SPIDR: variants seen among roughly 807,000 people sequenced by gnomAD.
SPIDR encodes the protein scaffold protein involved in DNA repair.
Under a neutral mutation model 104.6 loss-of-function variants are expected in SPIDR, and 93 were observed. The ratio of observed to expected loss-of-function variants is 0.89; its 90% CI spans 0.75 to 1.06. The LOEUF (loss-of-function observed/expected upper bound fraction) is 1.06. Among genes scored for constraint, SPIDR ranks in the 50% least tolerant of loss-of-function variants. SPIDR has a pLI of 0.00. For missense variants in SPIDR, 1,154 were observed against 1,111.2 expected, an observed-to-expected ratio of 1.04 and a Z score of -0.55; for synonymous variants, 431 against 416.9, an observed-to-expected ratio of 1.03 and a Z score of -0.41.
intron 8 of SPIDR, among the ~76,000 whole-genome samples, chr8:47,466,440 T>C (rs1325307954): frequency 6.6e-6 from 1 of 152,084 alleles, no homozygotes; most frequent in Non-Finnish European, 1.5e-5. Flanking sequence ...AATAATAAAA[T>C]TAGAGCTGAA....
At position 47,705,733 on chromosome 8, in the gene SPIDR, G is replaced by A. The variant is rs189216725; in HGVS notation, c.1977+3718G>A. 4.5e-3 allele frequency among the ~76,000 whole-genome samples: 688 copies of A among 152,128 alleles called. 7 individuals carry two copies. The highest frequency in any genetic ancestry group is 0.014 in the Middle Eastern group (4 of 294). Reference sequence around the variant, plus strand: ...AACCTGGTCAACAAAGCACGACCCCGTCTCTACAAAAAAATTAAAAATTAG... The same window carrying A: ...AACCTGGTCAACAAAGCACGACCCCATCTCTACAAAAAAATTAAAAATTAG... On this transcript the variant is annotated intron_variant, in intron 14 of 19. Coordinates refer to ENST00000297423, the MANE Select transcript of SPIDR (RefSeq NM_001080394.4).
chr8:47,320,180 A>G (rs570140191), intron 5 of SPIDR, among the ~76,000 whole-genome samples: 9 of 152,334 alleles, frequency 5.9e-5, no homozygotes, highest in African/African-American at 1.7e-4. Context: ...GAAAAGATCA[A>G]CAAACTTGAT....
At chr8:47,296,440 T>C (rs965449134) in intron 5 of SPIDR, among the ~76,000 whole-genome samples, 21 of 152,176 alleles carry the variant, frequency 1.4e-4, no homozygotes, top group Non-Finnish European at 2.2e-4. Context: ...TTGATTTTGG[T>C]GTATGGTGTG....
chr8:47,402,507 A>T (rs2062047777), intron 6 of SPIDR, among the ~76,000 whole-genome samples: 1 of 152,228 alleles, frequency 6.6e-6, no homozygotes, highest in South Asian at 2.1e-4. Flanking sequence ...ACAATAAAAA[A>T]TGATAAAGGG....
chr8:47,618,508 C>A (rs2064670236), intron 10 of SPIDR, among the ~76,000 whole-genome samples: 1 of 151,936 alleles, frequency 6.6e-6, no homozygotes, highest in Non-Finnish European at 1.5e-5. Context: ...ATTTTATTTT[C>A]TAAATATAAA....
chr8:47,499,449 C>T (rs917042335), intron 8 of SPIDR, among the ~76,000 whole-genome samples: 3 of 152,124 alleles, frequency 2.0e-5, no homozygotes, highest in South Asian at 4.1e-4. Context: ...GGCTCTAGAA[C>T]CACTTTGGCT....
intron 8 of SPIDR, among the ~76,000 whole-genome samples, chr8:47,520,566 C>T (rs746767569): frequency 6.6e-6 from 1 of 152,116 alleles, no homozygotes; most frequent in African/African-American, 2.4e-5. Context: ...AGCACAAGAC[C>T]GTGTGCTGGA....
chr8:47,289,683 CTCTGGAGAACAG>C (rs1425465000), intron 3 of SPIDR, among the ~76,000 whole-genome samples: 1 of 152,312 alleles, frequency 6.6e-6, no homozygotes, highest in East Asian at 1.9e-4. Context: ...GGTACAGCCA[CTCTGGAGAACAG>C]TCTGGCAGTT....
chr8:47,315,037 AG>A (rs1440553004), intron 5 of SPIDR, among the ~76,000 whole-genome samples: 7 of 152,178 alleles, frequency 4.6e-5, no homozygotes, highest in African/African-American at 1.4e-4. Context: ...GAGATAAAGA[AG>A]GGCATTTCAT....
intron 11 of SPIDR, among the ~76,000 whole-genome samples, chr8:47,678,578 G>A (rs2076720492): frequency 1.3e-5 from 2 of 152,186 alleles, no homozygotes; most frequent in Non-Finnish European, 2.9e-5. Flanking sequence ...AGAGAGCGGA[G>A]GCTCAGAGCA....
At chr8:47,372,638 A>G (rs1439839282) in intron 5 of SPIDR, among the ~76,000 whole-genome samples, 4 of 151,720 alleles carry the variant, frequency 2.6e-5, no homozygotes, top group Non-Finnish European at 5.9e-5. Flanking sequence ...AAATAATGAT[A>G]ATAATAATAA....
rs190497319 is a variant in SPIDR at position 47,334,344 on chromosome 8, C to G, written c.525+40314C>G. Reference sequence around the variant, plus strand: ...TTTATGGATTTTCTGCCTGCTAAATCTGTCCATTTCTGTGAGAGATCTTGA... The same window carrying G: ...TTTATGGATTTTCTGCCTGCTAAATGTGTCCATTTCTGTGAGAGATCTTGA... On this transcript the variant is annotated intron_variant, in intron 5 of 19. Transcript: ENST00000297423. Among the ~76,000 whole-genome samples, 12 of 152,288 alleles carry G rather than the reference C, an allele frequency of 7.9e-5. No homozygotes were observed. The East Asian group carries it at 2.3e-3, about 29-fold the overall frequency.
chr8:47,558,035 A>G (rs1185437695), intron 8 of SPIDR, among the ~76,000 whole-genome samples: 1 of 152,242 alleles, frequency 6.6e-6, no homozygotes. Context: ...CATTATTCTA[A>G]GTGAATTAAC....
At chr8:47,707,418 G>A (rs1262504606) in intron 14 of SPIDR, among the ~76,000 whole-genome samples, 2 of 152,028 alleles carry the variant, frequency 1.3e-5, no homozygotes, top group African/African-American at 4.8e-5. Flanking sequence ...TTTGCCTATT[G>A]TCTAATTGGG....
chr8:47,352,144 G>T (rs1228409339), intron 5 of SPIDR, among the ~76,000 whole-genome samples: 9 of 151,990 alleles, frequency 5.9e-5, no homozygotes, highest in African/African-American at 2.2e-4. Context: ...GGGCGTGATG[G>T]TGCGTGCCTG....
chr8:47,373,987 A>G (rs1554640666), intron 5 of SPIDR, among the ~76,000 whole-genome samples: 2 of 152,038 alleles, frequency 1.3e-5, no homozygotes, highest in Non-Finnish European at 2.9e-5. Context: ...AAGAAAGTTG[A>G]GCTGTTTTTG....
chr8:47,727,081 A>G, intron 16 of SPIDR, 119 bp from the exon 17 acceptor site: 3 of 720,236 alleles, frequency 4.2e-6, no homozygotes, highest in Non-Finnish European at 7.2e-6. Context: ...ATGTATATAA[A>G]CTCCCAAGTA....
At chr8:47,725,210 AG>A (rs1366519987) in intron 16 of SPIDR, among the ~76,000 whole-genome samples, 1 of 152,228 alleles carries the variant, frequency 6.6e-6, no homozygotes, top group East Asian at 1.9e-4. Flanking sequence ...CTTTTTAAAA[AG>A]ATGTGTTTGT....
chr8:47,584,502 C>T (rs1307116243), intron 8 of SPIDR, among the ~76,000 whole-genome samples: 5 of 152,178 alleles, frequency 3.3e-5, no homozygotes, highest in Non-Finnish European at 5.9e-5. Context: ...AAGCAACAAA[C>T]TAAATTTCCT....
Sources: allele counts gnomAD v4.1 joint callset (sites outside exome capture counted in the v4.1 genomes callset), GRCh38; gene constraint gnomAD v4.1.1; transcripts MANE v1.5; gene names NCBI Gene and HGNC (gene_info 2026-07-23, HGNC 2026-07-21).